LINGO2: variants seen among roughly 807,000 people sequenced by gnomAD.
LINGO2 encodes the protein leucine-rich repeat and immunoglobulin-like domain-containing nogo receptor-interacting protein 2.
LINGO2 carries 14 observed loss-of-function variants against 30.6 expected under a neutral mutation model. The ratio of observed to expected loss-of-function variants is 0.46; its 90% CI spans 0.30 to 0.72. LINGO2 has a LOEUF of 0.72. Among genes scored for constraint, LINGO2 ranks in the 30% least tolerant of loss-of-function variants. The probability of loss-of-function intolerance (pLI) is 0.07; values close to 1 mark genes in which losing one functional copy is unlikely to be tolerated. For synonymous variants in LINGO2, 317 were observed against 288.5 expected (o/e 1.10, Z -1.00); for missense variants, 729 against 751.7 (o/e 0.97, Z 0.35).
At chr9:28,911,263 T>C in the LINGO2 span, among the ~76,000 whole-genome samples, 38 of 152,110 alleles carry the variant, frequency 2.5e-4, no homozygotes, top group African/African-American at 8.0e-4. Flanking sequence ...ATATTCTTCA[T>C]ATATTTGTAT....
chr9:28,007,436 T>C (rs991710813), intron 5 of LINGO2, among the ~76,000 whole-genome samples: 1 of 152,164 alleles, frequency 6.6e-6, no homozygotes, highest in Non-Finnish European at 1.5e-5. Flanking sequence ...AGTTACTAGA[T>C]TACTACTCCA....
intron 4 of LINGO2, among the ~76,000 whole-genome samples, chr9:28,188,096 C>A (rs1456201610): frequency 2.0e-5 from 3 of 152,130 alleles, no homozygotes; most frequent in Non-Finnish European, 4.4e-5. Flanking sequence ...CTAAATGTTT[C>A]TACTTGGCCC....
the LINGO2 span, among the ~76,000 whole-genome samples, chr9:28,974,596 G>A: frequency 6.6e-6 from 1 of 152,052 alleles, no homozygotes; most frequent in Non-Finnish European, 1.5e-5. Context: ...TCATGGTAAG[G>A]TCAAACCAAA....
the LINGO2 span, among the ~76,000 whole-genome samples, chr9:29,125,962 CTTAT>C: frequency 6.6e-6 from 1 of 152,086 alleles, no homozygotes; most frequent in Non-Finnish European, 1.5e-5. Flanking sequence ...ATAAAAACCA[CTTAT>C]TTGTCTGATT....
At chr9:28,434,442 C>G (rs140795716) in intron 2 of LINGO2, among the ~76,000 whole-genome samples, 5 of 151,542 alleles carry the variant, frequency 3.3e-5, no homozygotes, top group African/African-American at 1.2e-4. Flanking sequence ...CATCTGAACC[C>G]TGATTGTGTC....
At chr9:28,361,462 T>C (rs1174907567) in intron 3 of LINGO2, among the ~76,000 whole-genome samples, 1 of 152,144 alleles carries the variant, frequency 6.6e-6, no homozygotes, top group Non-Finnish European at 1.5e-5. Flanking sequence ...CTTCTTCTTA[T>C]GGGCAATGTG....
At chr9:29,013,268 C>T in the LINGO2 span, among the ~76,000 whole-genome samples, 2 of 152,100 alleles carry the variant, frequency 1.3e-5, 1 homozygote, top group African/African-American at 4.8e-5. Flanking sequence ...AAGAACTGCT[C>T]CAATGTGCTA....
intron 1 of LINGO2, among the ~76,000 whole-genome samples, chr9:28,632,740 T>TTATATATAGATC (rs1554648014): frequency 1.5e-5 from 2 of 134,472 alleles, no homozygotes; most frequent in African/African-American, 2.8e-5. Context: ...ATCTATATAT[T>TTATATATAGATC]TATATATAGA....
chr9:28,616,475 C>A (rs1563866549), intron 1 of LINGO2, among the ~76,000 whole-genome samples: 1 of 152,122 alleles, frequency 6.6e-6, no homozygotes, highest in Non-Finnish European at 1.5e-5. Flanking sequence ...CATCCTTTTA[C>A]AAAGGCCCTT....
At chr9:28,600,944 AT>A (rs1825437916) in intron 1 of LINGO2, among the ~76,000 whole-genome samples, 1 of 152,190 alleles carries the variant, frequency 6.6e-6, no homozygotes, top group South Asian at 2.1e-4. Context: ...CAAAATGGAA[AT>A]AAGAGAAAAA....
At chr9:29,142,643 C>T in the LINGO2 span, among the ~76,000 whole-genome samples, 1 of 151,368 alleles carries the variant, frequency 6.6e-6, no homozygotes, top group Non-Finnish European at 1.5e-5. Flanking sequence ...CAGAAATTGC[C>T]TCAACATAAT....
At chr9:28,034,313 C>T (rs988708359) in intron 4 of LINGO2, among the ~76,000 whole-genome samples, 30 of 152,172 alleles carry the variant, frequency 2.0e-4, no homozygotes, top group African/African-American at 6.3e-4. Flanking sequence ...TCTTTCTTTT[C>T]GGAATTCTGC....
intron 1 of LINGO2, among the ~76,000 whole-genome samples, chr9:28,507,683 T>G (rs1245384915): frequency 2.6e-5 from 4 of 152,140 alleles, no homozygotes; most frequent in African/African-American, 9.7e-5. Context: ...GGTATTTGCT[T>G]TGAAAATAGG....
At chr9:29,212,607 A>C in the LINGO2 span, among the ~76,000 whole-genome samples, 1 of 151,768 alleles carries the variant, frequency 6.6e-6, no homozygotes, top group Non-Finnish European at 1.5e-5. Flanking sequence ...AATTTAAAAA[A>C]AAAACCTCTC....
rs1355811037 is a variant in LINGO2 at position 28,546,644 on chromosome 9, GC to G, written c.-364-70620del. ...TAAAGTAATATTTCTAGGTTTTATGGCTGGCTTTTGGGGAAAGTAGTTCTGG... is the reference window on the plus strand; with the variant it reads ...TAAAGTAATATTTCTAGGTTTTATGGTGGCTTTTGGGGAAAGTAGTTCTGG... On this transcript the variant is annotated intron_variant, in intron 1 of 5. Coordinates refer to ENST00000379992, the Ensembl canonical transcript of LINGO2. Among the ~76,000 whole-genome samples, 5 of 152,180 alleles carry G rather than the reference GC, an allele frequency of 3.3e-5. No homozygotes were observed. The South Asian group carries it at 1.0e-3, about 32-fold the overall frequency.
the LINGO2 span, among the ~76,000 whole-genome samples, chr9:29,059,795 G>A: frequency 6.6e-6 from 1 of 151,816 alleles, no homozygotes; most frequent in African/African-American, 2.4e-5. Context: ...TGTGACTTTG[G>A]GTTAAACAAA....
chr9:28,196,527 A>C (rs537591999), intron 4 of LINGO2, among the ~76,000 whole-genome samples: 1 of 152,066 alleles, frequency 6.6e-6, no homozygotes, highest in African/African-American at 2.4e-5. Context: ...ATAATATCTC[A>C]GAAAAAGCTT....
chr9:28,498,248 C>A (rs1442103655), intron 1 of LINGO2, among the ~76,000 whole-genome samples: 1 of 152,200 alleles, frequency 6.6e-6, no homozygotes, highest in Non-Finnish European at 1.5e-5. Context: ...TATGCCCTGC[C>A]CCCAGAGGTG....
chr9:28,884,887 GTATA>G, the LINGO2 span, among the ~76,000 whole-genome samples: 1 of 112,314 alleles, frequency 8.9e-6, no homozygotes, highest in Non-Finnish European at 1.8e-5. Context: ...CACTATATAT[GTATA>G]TAGATACTAT....
Sources: allele counts gnomAD v4.1 joint callset (sites outside exome capture counted in the v4.1 genomes callset), GRCh38; gene constraint gnomAD v4.1.1; transcripts MANE v1.5; gene names NCBI Gene and HGNC (gene_info 2026-07-23, HGNC 2026-07-21).